The following PRKCE variants were observed in gnomAD, a reference collection of about 807,000 sequenced individuals.
PRKCE encodes the protein protein kinase C epsilon type.
In PRKCE, 16 loss-of-function variants were observed where a neutral mutation model predicts 85.4. That is an observed-to-expected ratio of 0.19 (90% CI 0.13 to 0.28). PRKCE has a LOEUF of 0.28. PRKCE is among the 10% of genes least tolerant of loss of function. PRKCE has a pLI of 1.00. For missense variants in PRKCE, 573 were observed against 975.2 expected (o/e 0.59, Z 5.49); for synonymous variants, 388 against 371.5 (o/e 1.04, Z -0.51).
At chr2:45,689,005 A>C (rs961211877) in intron 1 of PRKCE, among the ~76,000 whole-genome samples, 2 of 152,230 alleles carry the variant, frequency 1.3e-5, no homozygotes, top group African/African-American at 4.8e-5. Flanking sequence ...GCCAGAACAT[A>C]AGAACACAAG....
intron 1 of PRKCE, among the ~76,000 whole-genome samples, chr2:45,828,043 A>T (rs1231206597): frequency 1.3e-5 from 2 of 152,208 alleles, no homozygotes; most frequent in Non-Finnish European, 2.9e-5. Context: ...TAGCTGGATG[A>T]TAGGCACTGT....
intron 12 of PRKCE, 21 bp from the exon 13 acceptor site, chr2:46,151,020 C>T: frequency 6.3e-7 from 1 of 1,584,540 alleles, no homozygotes; most frequent in Non-Finnish European, 8.6e-7. Flanking sequence ...TGGTGCCTGA[C>T]ATTGCTGGTT....
At chr2:46,170,463 G>A (rs1041365904) in intron 14 of PRKCE, among the ~76,000 whole-genome samples, 3 of 152,202 alleles carry the variant, frequency 2.0e-5, no homozygotes, top group African/African-American at 7.2e-5. Flanking sequence ...GCAATGCACA[G>A]TAATTAGCAA....
rs752935723 is a variant in PRKCE, at chr2:46,159,901, CA to C, written c.2067+151del. ...GAGGTGGCTGAGGCTCTCCCTAAGA[CA>C]ATGTCTTTAGGCCCCAAGTGTTTAC... On this transcript the variant is annotated intron_variant, in intron 14 of 14. Transcript: ENST00000306156. The surrounding 1 kb of genome is among the most constrained non-coding windows in gnomAD (Gnocchi z 4.1). 224 of 980,452 alleles carry C rather than the reference CA, an allele frequency of 2.3e-4. 2 individuals are homozygous for C. The highest frequency in any genetic ancestry group is 9.7e-4 in the Middle Eastern group (3 of 3,098). 60.7% of individuals were successfully genotyped at this position (980,452 alleles called of 1,614,324 possible).
At chr2:46,107,608 T>C (rs1671851967) in intron 11 of PRKCE, among the ~76,000 whole-genome samples, 1 of 152,232 alleles carries the variant, frequency 6.6e-6, no homozygotes, top group Non-Finnish European at 1.5e-5. Flanking sequence ...TGGAAGACTG[T>C]GCTTAGCTTG....
At chr2:45,949,402 G>GTT (rs35033431) in intron 2 of PRKCE, among the ~76,000 whole-genome samples, 26 of 118,756 alleles carry the variant, frequency 2.2e-4, no homozygotes, top group Non-Finnish European at 2.9e-4. Context: ...TATTTTGCTT[G>GTT]TTTTTTTTTT....
chr2:45,873,915 G>T (rs1018561601), intron 2 of PRKCE, among the ~76,000 whole-genome samples: 4 of 152,222 alleles, frequency 2.6e-5, no homozygotes, highest in Non-Finnish European at 4.4e-5. Context: ...GAGATATTTT[G>T]GTTTCACTTA....
intron 4 of PRKCE, 46 bp from the exon 5 acceptor site, chr2:45,980,250 C>G (rs1352194330): frequency 6.3e-7 from 1 of 1,576,960 alleles, no homozygotes; most frequent in Non-Finnish European, 8.6e-7. Flanking sequence ...GAGGGACACT[C>G]CCTTTCCTGA....
At chr2:45,674,798 G>T (rs1676343829) in intron 1 of PRKCE, 1 of 152,208 alleles carries the variant, frequency 6.6e-6, no homozygotes, top group South Asian at 2.1e-4. Flanking sequence ...AAAGGACTCT[G>T]AGTGAGTCTA....
At chr2:46,005,401 C>A (rs763720383) in intron 8 of PRKCE, among the ~76,000 whole-genome samples, 1 of 152,164 alleles carries the variant, frequency 6.6e-6, no homozygotes, top group Non-Finnish European at 1.5e-5. Flanking sequence ...AGAGGAATAA[C>A]CATCACAGCC....
intron 1 of PRKCE, among the ~76,000 whole-genome samples, chr2:45,724,182 A>G (rs1680865384): frequency 6.6e-6 from 1 of 152,142 alleles, no homozygotes; most frequent in Non-Finnish European, 1.5e-5. Flanking sequence ...CTAATAGCAT[A>G]TGTTCACTTC....
intron 11 of PRKCE, among the ~76,000 whole-genome samples, chr2:46,144,346 T>C (rs1382594889): frequency 2.0e-5 from 3 of 152,194 alleles, no homozygotes; most frequent in South Asian, 4.1e-4. Flanking sequence ...AGGATGCTTA[T>C]TGCTGTTAGC....
At chr2:45,966,987 G>A (rs956105331) in intron 2 of PRKCE, among the ~76,000 whole-genome samples, 13 of 152,198 alleles carry the variant, frequency 8.5e-5, no homozygotes, top group African/African-American at 2.9e-4. Flanking sequence ...GGTGGATACA[G>A]CCTGTTTTTG....
chr2:45,778,564 C>G (rs1039907328), intron 1 of PRKCE, among the ~76,000 whole-genome samples: 1 of 152,124 alleles, frequency 6.6e-6, no homozygotes, highest in East Asian at 1.9e-4. Context: ...CACATCTCCC[C>G]CTCTACACAG....
intron 10 of PRKCE, among the ~76,000 whole-genome samples, chr2:46,025,423 A>G (rs1312802553): frequency 6.6e-6 from 1 of 152,196 alleles, no homozygotes; most frequent in African/African-American, 2.4e-5. Context: ...GGATAGAAAA[A>G]GACACAATCC....
chr2:46,083,673 T>A (rs916406703), intron 10 of PRKCE, among the ~76,000 whole-genome samples: 8 of 152,156 alleles, frequency 5.3e-5, no homozygotes, highest in Admixed American at 2.6e-4. Flanking sequence ...CTGCCAGCAT[T>A]GCCCGGAAAC....
rs765592560 is a variant in PRKCE at position 46,086,195 on chromosome 2, T to C, written c.1438-13T>C. The C allele has an allele frequency of 6.3e-7, 1 of 1,599,276 alleles. No homozygotes were observed. The highest frequency in any genetic ancestry group is 8.5e-7 in the Non-Finnish European group (1 of 1,179,692). The stretch of plus-strand genomic sequence containing the variant: ...TCAAATGACCCAAATGGCATTTTCT[T>C]CTCTCCTTTCAGGACCGCCTCTTTT... On this transcript the variant is annotated splice_polypyrimidine_tract_variant and intron_variant, in intron 10 of 14. Coordinates refer to ENST00000306156, the MANE Select transcript of PRKCE (RefSeq NM_005400.3).
At position 45,765,086 on chromosome 2, in the gene PRKCE, G is replaced by T. The variant is rs111855574; in HGVS notation, c.349-77914G>T. 4.8e-3 allele frequency among the ~76,000 whole-genome samples: 730 copies of T among 152,252 alleles called. 6 individuals carry two copies. The highest frequency in any genetic ancestry group is 0.012 in the South Asian group (57 of 4,822). On this transcript the variant is annotated intron_variant, in intron 1 of 14. Transcript: ENST00000306156. ...CTCAAAAACCCACCCACTCACACGG[G>T]CCTTGTTTTCAGCAAATCTTCAAGT...
intron 11 of PRKCE, among the ~76,000 whole-genome samples, chr2:46,135,431 A>T (rs1388632769): frequency 6.6e-6 from 1 of 152,216 alleles, no homozygotes; most frequent in Non-Finnish European, 1.5e-5. Flanking sequence ...CCAGTCAAGT[A>T]ACCCCTCAAA....
Sources: allele counts gnomAD v4.1 joint callset (sites outside exome capture counted in the v4.1 genomes callset), GRCh38; gene constraint gnomAD v4.1.1; non-coding constraint Gnocchi (gnomAD v3.1); transcripts MANE v1.5; gene names NCBI Gene and HGNC (gene_info 2026-07-23, HGNC 2026-07-21).